The following MTUS2 variants were observed in gnomAD, a reference collection of about 807,000 sequenced individuals.
MTUS2 encodes the protein microtubule-associated tumor suppressor candidate 2.
In MTUS2, 40 loss-of-function variants were observed where a neutral mutation model predicts 114.1. The ratio of observed to expected loss-of-function variants is 0.35; its 90% CI spans 0.27 to 0.46. MTUS2 has a LOEUF of 0.46. MTUS2 is among the 20% of genes least tolerant of loss of function. The pLI is 1.00. For synonymous variants in MTUS2, 688 were observed against 672.0 expected (o/e 1.02, Z -0.37); for missense variants, 1,679 against 1,705.4 (o/e 0.98, Z 0.27).
rs1330588579 is a variant in MTUS2, at chr13:29,025,012, A to G, written c.314A>G (p.Gln105Arg). 3.7e-6 allele frequency: 6 copies of G among 1,613,998 alleles called. No homozygotes were observed. The highest frequency in any genetic ancestry group is 5.1e-6 in the Non-Finnish European group (6 of 1,179,894). Residue 105 changes from glutamine (Q) to arginine (R), a missense_variant, in exon 3 of 16, where the codon CAG becomes CGG. Gln to Arg is a conservative substitution (Grantham distance 43). Around this residue, in one of 3 missense-constraint regions of MTUS2, gnomAD observed 843 missense variants for 770.8 expected, o/e 1.09. Coordinates refer to ENST00000612955, the MANE Select transcript of MTUS2 (RefSeq NM_001033602.4). ...LKDFRLSSTI[Q>R]RELNEEHTVE... is the part of the protein sequence containing the mutation. The stretch of plus-strand genomic sequence containing the variant: ...GATTTTAGACTTTCTTCAACCATTC[A>G]GAGGGAACTCAATGAAGAGCACACA...
intron 6 of MTUS2, among the ~76,000 whole-genome samples, chr13:29,313,828 C>T (rs751746941): frequency 1.3e-5 from 2 of 152,122 alleles, no homozygotes; most frequent in African/African-American, 4.8e-5. Flanking sequence ...AGACAGATCA[C>T]ACACAAAAGG....
chr13:29,357,168 C>A (rs1192452287), intron 7 of MTUS2, among the ~76,000 whole-genome samples: 1 of 109,216 alleles, frequency 9.2e-6, no homozygotes, highest in Non-Finnish European at 2.1e-5. Context: ...AGTATAATTT[C>A]TAACATGATG....
At chr13:28,843,954 A>G (rs558310531) in intron 2 of MTUS2, among the ~76,000 whole-genome samples, 16 of 152,356 alleles carry the variant, frequency 1.1e-4, no homozygotes, top group African/African-American at 3.6e-4. Context: ...AGGAATTACA[A>G]TGAGAATCCT....
At chr13:29,308,396 A>G (rs565304780) in intron 6 of MTUS2, among the ~76,000 whole-genome samples, 2 of 152,348 alleles carry the variant, frequency 1.3e-5, no homozygotes, top group South Asian at 2.1e-4. Context: ...ACCATATACA[A>G]TATTAACTCA....
intron 5 of MTUS2, among the ~76,000 whole-genome samples, chr13:29,263,149 T>C (rs1225481944): frequency 6.6e-6 from 1 of 152,228 alleles, no homozygotes; most frequent in Non-Finnish European, 1.5e-5. Flanking sequence ...GGCACTCTTA[T>C]TACTGTTAAA....
At chr13:29,161,978 C>T (rs1315851303) in intron 5 of MTUS2, among the ~76,000 whole-genome samples, 1 of 152,226 alleles carries the variant, frequency 6.6e-6, no homozygotes, top group African/African-American at 2.4e-5. Context: ...CAGCTCACTC[C>T]TTTCTCCCGA....
intron 2 of MTUS2, among the ~76,000 whole-genome samples, chr13:28,962,948 C>A (rs1883396213): frequency 6.6e-6 from 1 of 152,132 alleles, no homozygotes; most frequent in South Asian, 2.1e-4. Flanking sequence ...CCATCAGTAT[C>A]CCCCCTTTCT....
chr13:29,324,083 C>G (rs1031634204), intron 6 of MTUS2, among the ~76,000 whole-genome samples: 3 of 152,192 alleles, frequency 2.0e-5, no homozygotes, highest in South Asian at 2.1e-4. Context: ...GAAGGCTTAG[C>G]TGCAGCCAAG....
chr13:28,904,663 A>G (rs1204002474), intron 2 of MTUS2, among the ~76,000 whole-genome samples: 1 of 152,016 alleles, frequency 6.6e-6, no homozygotes, highest in Non-Finnish European at 1.5e-5. Context: ...GTAGCCTTGT[A>G]GTATAGTTTG....
intron 5 of MTUS2, among the ~76,000 whole-genome samples, chr13:29,164,303 C>T (rs886629236): frequency 4.6e-5 from 7 of 152,190 alleles, no homozygotes; most frequent in East Asian, 1.9e-4. Flanking sequence ...TTTCCTGGCA[C>T]GATTTTTGCG....
intron 5 of MTUS2, among the ~76,000 whole-genome samples, chr13:29,229,731 T>C (rs1896250094): frequency 6.6e-6 from 1 of 152,240 alleles, no homozygotes; most frequent in South Asian, 2.1e-4. Context: ...ATTTCTGAAC[T>C]CTTTCCTGTT....
At chr13:28,929,838 G>T (rs966659963) in intron 2 of MTUS2, among the ~76,000 whole-genome samples, 2 of 152,208 alleles carry the variant, frequency 1.3e-5, no homozygotes, top group Non-Finnish European at 2.9e-5. Context: ...GTCTGGAGGG[G>T]ACCCCACTGT....
intron 5 of MTUS2, among the ~76,000 whole-genome samples, chr13:29,273,766 A>G (rs1593248830): frequency 6.6e-6 from 1 of 152,204 alleles, no homozygotes; most frequent in East Asian, 1.9e-4. Flanking sequence ...TATTCTGGAC[A>G]TTTCATATAA....
chr13:29,186,982 T>C (rs1180549709), intron 5 of MTUS2, among the ~76,000 whole-genome samples: 1 of 152,076 alleles, frequency 6.6e-6, no homozygotes, highest in Non-Finnish European at 1.5e-5. Context: ...TACAAATATA[T>C]AGAAATTTAA....
rs1874925738 is a variant in MTUS2, at chr13:29,408,081, A to G, written c.3118-31902A>G. Among the ~76,000 whole-genome samples, 3 of 152,052 alleles carry G rather than the reference A, an allele frequency of 2.0e-5. No homozygotes were observed. The South Asian group carries it at 6.2e-4, about 32-fold the overall frequency. ...TTCTACATATTCTGGATACTAGTTT[A>G]TTTGTGGATTATACATATTACAATC... On this transcript the variant is annotated intron_variant, in intron 8 of 15. Coordinates refer to ENST00000612955, the MANE Select transcript of MTUS2 (RefSeq NM_001033602.4).
At chr13:29,324,524 C>G in intron 6 of MTUS2, 89 bp from the exon 7 acceptor site, 1 of 957,138 alleles carries the variant, frequency 1.0e-6, no homozygotes, top group Non-Finnish European at 1.6e-6. Flanking sequence ...GTTTGACTTT[C>G]TTGAAGCCAC....
At chr13:28,859,517 G>A (rs1046305538) in intron 2 of MTUS2, among the ~76,000 whole-genome samples, 5 of 152,160 alleles carry the variant, frequency 3.3e-5, no homozygotes, top group African/African-American at 1.2e-4. Flanking sequence ...GGCTGCTTAG[G>A]CCCTGTGTGT....
chr13:28,837,117 A>C (rs982260146), intron 1 of MTUS2, among the ~76,000 whole-genome samples: 2 of 152,164 alleles, frequency 1.3e-5, no homozygotes, highest in African/African-American at 4.8e-5. Context: ...GGTAGTGTCC[A>C]TCTGTTGCCC....
At chr13:29,001,119 G>A (rs1312952330) in intron 2 of MTUS2, among the ~76,000 whole-genome samples, 1 of 152,180 alleles carries the variant, frequency 6.6e-6, no homozygotes, top group Non-Finnish European at 1.5e-5. Flanking sequence ...TCAGTTCCTG[G>A]AAAACTGCTC....
Sources: gnomAD v4.1 joint callset for allele counts (sites outside exome capture counted in the v4.1 genomes callset) on GRCh38, gnomAD v4.1.1 for gene constraint, gnomAD v4.1.1 regional missense constraint, MANE v1.5 for transcripts, NCBI Gene and HGNC (gene_info 2026-07-23, HGNC 2026-07-21) for gene names.